The following BAZ2B variants were observed in gnomAD, a reference collection of about 807,000 sequenced individuals.
BAZ2B encodes the protein bromodomain adjacent to zinc finger domain protein 2B.
In BAZ2B, 91 loss-of-function variants were observed where a neutral mutation model predicts 246.0. The observed-to-expected ratio is 0.37, with a 90% CI of 0.31 to 0.44. The LOEUF (loss-of-function observed/expected upper bound fraction) is 0.44, where lower values mean the gene tolerates loss of function less well. Ranked by LOEUF, BAZ2B falls within the 20% of genes least tolerant of loss-of-function variation. The pLI is 1.00. For synonymous variants in BAZ2B, 855 were observed against 860.0 expected, an observed-to-expected ratio of 0.99 and a Z score of 0.10; for missense variants, 2,332 against 2,533.7, an observed-to-expected ratio of 0.92 and a Z score of 1.71.
the BAZ2B span, among the ~76,000 whole-genome samples, chr2:159,708,473 T>C: frequency 6.6e-6 from 1 of 152,160 alleles, no homozygotes; most frequent in Admixed American, 6.5e-5. Flanking sequence ...ATCTAGCCTG[T>C]AAGCTTAGAT....
chr2:159,565,777 CAAAAAAAAAAAAAAAGGA>C (rs2090346695), intron 1 of BAZ2B, among the ~76,000 whole-genome samples: 1 of 109,420 alleles, frequency 9.1e-6, no homozygotes, highest in East Asian at 2.6e-4. Context: ...ACTCCCATCT[CAAAAAAAAAAAAAAAGGA>C]AAAAAAAAAA....
intron 34 of BAZ2B, among the ~76,000 whole-genome samples, chr2:159,330,852 C>A (rs993090078): frequency 3.3e-5 from 5 of 152,016 alleles, no homozygotes; most frequent in African/African-American, 1.2e-4. Flanking sequence ...GATCAAGATT[C>A]TGTCTTAAAA....
downstream of BAZ2B, among the ~76,000 whole-genome samples, chr2:159,316,304 G>A (rs2062107554): frequency 6.6e-6 from 1 of 152,126 alleles, no homozygotes; most frequent in Non-Finnish European, 1.5e-5. Flanking sequence ...TGAGGCCAAA[G>A]CAAGTCTAAG....
chr2:159,476,881 C>T (rs1033719122), intron 3 of BAZ2B, among the ~76,000 whole-genome samples: 1 of 152,156 alleles, frequency 6.6e-6, no homozygotes, highest in Non-Finnish European at 1.5e-5. Context: ...TTTTTGAGCA[C>T]AGTATATCAT....
At position 159,395,977 on chromosome 2, in the gene BAZ2B, T is replaced by C. The variant is rs1005959785; in HGVS notation, c.3010-143A>G. 2.6e-5 allele frequency: 17 copies of C among 654,644 alleles called. No individual in the cohort carries two copies. In the African/African-American group the frequency reaches 3.2e-4, roughly 12 times the overall value. The allele number at this position is 654,644 out of a possible 1,614,324, so 40.6% of individuals were successfully genotyped here. ...TAGACAAGTCACAGTAAATACTAAA[T>C]ATAAGACAAGAATGGCCAGTCTGTG... On this transcript the variant is annotated intron_variant, in intron 19 of 36. Transcript: ENST00000392783.
chr2:159,404,641 T>C, intron 16 of BAZ2B: 1 of 488,216 alleles, frequency 2.0e-6, no homozygotes, highest in Non-Finnish European at 3.6e-6. Flanking sequence ...AATTTACTGT[T>C]TGGTAATCAT....
chr2:159,385,523 T>C (rs1424716779), intron 22 of BAZ2B, among the ~76,000 whole-genome samples, 154 bp from the exon 23 acceptor site: 1 of 151,818 alleles, frequency 6.6e-6, no homozygotes, highest in Non-Finnish European at 1.5e-5. Flanking sequence ...AAATAGTCAA[T>C]AGAAGACAGA....
chr2:159,608,292 T>A (rs1050707534), intron 1 of BAZ2B, among the ~76,000 whole-genome samples: 2 of 152,200 alleles, frequency 1.3e-5, no homozygotes, highest in Non-Finnish European at 2.9e-5. Flanking sequence ...TGGGGATCCC[T>A]TGAGCTCAGG....
chr2:159,367,879 A>T (rs989777334), intron 27 of BAZ2B, among the ~76,000 whole-genome samples: 1 of 152,010 alleles, frequency 6.6e-6, no homozygotes, highest in Non-Finnish European at 1.5e-5. Context: ...TAGAGTGAGA[A>T]TCTGTCTCAA....
the BAZ2B span, among the ~76,000 whole-genome samples, chr2:159,676,340 T>C: frequency 2.0e-5 from 3 of 152,184 alleles, no homozygotes; most frequent in African/African-American, 7.2e-5. Context: ...GCTTCAATTA[T>C]CTTTTCTGAA....
At chr2:159,683,241 A>G in the BAZ2B span, among the ~76,000 whole-genome samples, 17 of 152,158 alleles carry the variant, frequency 1.1e-4, no homozygotes. Flanking sequence ...ACTAACATAC[A>G]GTAAGTTCAC....
chr2:159,357,386 A>G lies in BAZ2B; in HGVS notation c.4214-7029T>C, dbSNP rs373299051. On this transcript the variant is annotated intron_variant, in intron 27 of 36. Transcript: ENST00000392783. ...AAAGGATATCAATGATTGAATATCAACTTAATGAAATAAAGCGTGAAGACA... is the reference window on the plus strand; with the variant it reads ...AAAGGATATCAATGATTGAATATCAGCTTAATGAAATAAAGCGTGAAGACA... Among the ~76,000 whole-genome samples the G allele has an allele frequency of 9.6e-4, 146 of 152,148 alleles. 5 individuals are homozygous for G. In the South Asian group the frequency reaches 0.029, roughly 31 times the overall value.
At chr2:159,491,485 C>T (rs917518050) in intron 2 of BAZ2B, among the ~76,000 whole-genome samples, 1 of 151,588 alleles carries the variant, frequency 6.6e-6, no homozygotes. Flanking sequence ...CTTTGGGAGG[C>T]CGAGGCGGGC....
intron 1 of BAZ2B, among the ~76,000 whole-genome samples, chr2:159,603,324 T>A (rs1172204271): frequency 6.6e-6 from 1 of 152,208 alleles, no homozygotes; most frequent in Non-Finnish European, 1.5e-5. Flanking sequence ...ATTTTAAAAA[T>A]GGAAATTAAA....
chr2:159,510,457 C>A, intron 2 of BAZ2B, among the ~76,000 whole-genome samples: 1 of 152,154 alleles, frequency 6.6e-6, no homozygotes, highest in East Asian at 1.9e-4. Flanking sequence ...GCATGAGCCA[C>A]TGCATCTGAC....
chr2:159,658,138 TG>T, the BAZ2B span, among the ~76,000 whole-genome samples: 4 of 152,190 alleles, frequency 2.6e-5, no homozygotes, highest in African/African-American at 9.7e-5. Flanking sequence ...TTGTCATAAA[TG>T]GGTGTTGGAC....
the BAZ2B span, among the ~76,000 whole-genome samples, chr2:159,704,336 A>G: frequency 6.6e-6 from 1 of 152,218 alleles, no homozygotes; most frequent in Non-Finnish European, 1.5e-5. Context: ...GGAAAAAATA[A>G]GTTAACATCA....
chr2:159,449,358 G>C (rs369224431), intron 4 of BAZ2B, among the ~76,000 whole-genome samples: 2 of 152,094 alleles, frequency 1.3e-5, no homozygotes, highest in African/African-American at 4.8e-5. Flanking sequence ...CAAAAGATAT[G>C]GGGTATTTTT....
At chr2:159,623,568 G>A in the BAZ2B span, among the ~76,000 whole-genome samples, 1 of 152,096 alleles carries the variant, frequency 6.6e-6, no homozygotes, top group Non-Finnish European at 1.5e-5. Context: ...GGCTGCTAGT[G>A]AATGAGGCTC....
Sources: allele counts gnomAD v4.1 joint callset (sites outside exome capture counted in the v4.1 genomes callset), GRCh38; gene constraint gnomAD v4.1.1; transcripts MANE v1.5; gene names NCBI Gene and HGNC (gene_info 2026-07-23, HGNC 2026-07-21).